The following SMARCA1 variants were observed in gnomAD, a reference collection of about 807,000 sequenced individuals.
SMARCA1 encodes SNF2 related chromatin remodeling ATPase 1.
In SMARCA1, 17 loss-of-function variants were observed where a neutral mutation model predicts 93.6. The observed-to-expected ratio is 0.18, with a 90% CI of 0.12 to 0.27. The LOEUF (loss-of-function observed/expected upper bound fraction) is 0.27. Among genes scored for constraint, SMARCA1 ranks in the 10% least tolerant of loss-of-function variants. The pLI is 1.00. For synonymous variants in SMARCA1, 271 were observed against 271.4 expected, an observed-to-expected ratio of 1.00 and a Z score of 0.01; for missense variants, 630 against 819.0, an observed-to-expected ratio of 0.77 and a Z score of 2.82.
At chrX:129,454,960 T>G (rs762589630) in intron 23 of SMARCA1, among the ~76,000 whole-genome samples, 52 of 111,779 alleles carry the variant, frequency 4.7e-4, no homozygotes, top group African/African-American at 1.7e-3. Flanking sequence ...AAACAACAGA[T>G]GCTGGAGAGG....
chrX:129,464,896 G>A (rs1423362604), intron 23 of SMARCA1, among the ~76,000 whole-genome samples: 1 of 111,953 alleles, frequency 8.9e-6, no homozygotes, highest in African/African-American at 3.2e-5. Flanking sequence ...CTTACAATGA[G>A]TAATGAGGTA....
intron 1 of SMARCA1, 68 bp downstream of exon 1, chrX:129,523,129 G>T (rs1935472793): frequency 3.5e-6 from 4 of 1,138,149 alleles, no homozygotes; most frequent in Admixed American, 2.3e-5. Flanking sequence ...GAAAGGTCAG[G>T]GTTTGGGCCC....
At chrX:129,492,190 T>C in intron 13 of SMARCA1, 97 bp from the exon 14 acceptor site, 3 of 496,334 alleles carry the variant, frequency 6.0e-6, no homozygotes, top group Non-Finnish European at 1.0e-5. Flanking sequence ...TTAAAATACA[T>C]ATAGAAAATC....
At chrX:129,492,160 T>A in intron 13 of SMARCA1, 67 bp from the exon 14 acceptor site, 1 of 648,418 alleles carries the variant, frequency 1.5e-6, no homozygotes, top group Non-Finnish European at 2.4e-6. Flanking sequence ...TCAGGGTCCT[T>A]AAGAAACAAA....
At chrX:129,454,854 G>C (rs1489248661) in intron 23 of SMARCA1, among the ~76,000 whole-genome samples, 3 of 111,446 alleles carry the variant, frequency 2.7e-5, no homozygotes, top group Non-Finnish European at 5.7e-5. Flanking sequence ...TAATGAAAAA[G>C]AGCTCATCAT....
chrX:129,493,843 C>T (rs182381293), intron 12 of SMARCA1, among the ~76,000 whole-genome samples: 22 of 111,921 alleles, frequency 2.0e-4, no homozygotes, highest in African/African-American at 4.9e-4. Context: ...CTGAGTCAGA[C>T]GATGACCAGT....
chrX:129,519,136 A>G (rs1022681697), intron 1 of SMARCA1, among the ~76,000 whole-genome samples: 2 of 111,857 alleles, frequency 1.8e-5, no homozygotes, highest in Non-Finnish European at 1.9e-5. Flanking sequence ...TTAATGTTTG[A>G]TATTTTTAAA....
intron 24 of SMARCA1, 86 bp from the exon 25 acceptor site, chrX:129,447,319 T>TAA: frequency 2.0e-6 from 2 of 985,505 alleles, no homozygotes; most frequent in Non-Finnish European, 2.7e-6. Flanking sequence ...GTAAATGCAT[T>TAA]AAAAAAAAAT....
At chrX:129,481,594 C>T (rs1933664241) in intron 17 of SMARCA1, among the ~76,000 whole-genome samples, 1 of 111,763 alleles carries the variant, frequency 8.9e-6, no homozygotes, top group African/African-American at 3.3e-5. Context: ...CTCATCATCA[C>T]TGGCCATCAG....
At chrX:129,489,752 A>T (rs6637603) in intron 15 of SMARCA1, among the ~76,000 whole-genome samples, 11,717 of 111,045 alleles carry the variant, frequency 0.11, 532 homozygotes, top group East Asian at 0.32. Context: ...AGAGACAGGG[A>T]TTCACCATGT....
intron 18 of SMARCA1, 91 bp from the exon 19 acceptor site, chrX:129,480,905 A>G: frequency 1.7e-6 from 1 of 605,787 alleles, no homozygotes; most frequent in Non-Finnish European, 2.6e-6. Context: ...TATATGGAAC[A>G]ATAAATACAA....
rs761900299 is a variant in SMARCA1 at position 129,500,410 on chromosome X, C to A, written c.1168-569G>T. 9.1e-4 allele frequency among the ~76,000 whole-genome samples: 102 copies of A among 112,636 alleles called. 1 individual carries two copies. Among genetic ancestry groups the A allele is most frequent in the Non-Finnish European group, 1.4e-3 (75 of 53,280 alleles). Reference sequence around the variant, plus strand: ...CTCGAACTCCTGACCCCGTGATCCACCCACCTTGGCCTCCCAAAGTGCTGG... The same window carrying A: ...CTCGAACTCCTGACCCCGTGATCCAACCACCTTGGCCTCCCAAAGTGCTGG... On this transcript the variant is annotated intron_variant, in intron 9 of 24. Transcript: ENST00000371121.
intron 6 of SMARCA1, 25 bp downstream of exon 6, chrX:129,511,779 C>G: frequency 8.8e-7 from 1 of 1,139,399 alleles, no homozygotes; most frequent in Non-Finnish European, 1.2e-6. Flanking sequence ...TCTTAACTGC[C>G]TTTTTACACT....
At chrX:129,497,814 T>C in intron 11 of SMARCA1, 31 bp downstream of exon 11, 1 of 934,060 alleles carries the variant, frequency 1.1e-6, no homozygotes, top group Non-Finnish European at 1.5e-6. Flanking sequence ...TATAAATTTA[T>C]TCCATGCTAA....
At chrX:129,513,268 T>C (rs1935072252) in intron 5 of SMARCA1, among the ~76,000 whole-genome samples, 1 of 110,522 alleles carries the variant, frequency 9.0e-6, no homozygotes, top group Admixed American at 9.8e-5. Context: ...CTCACACCTG[T>C]AATCCCAGCA....
At chrX:129,480,895 T>C (rs1387548392) in intron 18 of SMARCA1, 81 bp from the exon 19 acceptor site, 1 of 640,040 alleles carries the variant, frequency 1.6e-6, no homozygotes. Flanking sequence ...ATTTCTGTGA[T>C]ATATGGAACA....
chrX:129,451,354 G>A (rs966462257), intron 23 of SMARCA1, among the ~76,000 whole-genome samples: 19 of 111,516 alleles, frequency 1.7e-4, no homozygotes, highest in Non-Finnish European at 3.4e-4. Flanking sequence ...AAGCTGACTC[G>A]TGAATCATTA....
At chrX:129,466,579 C>G (rs184551552) in intron 21 of SMARCA1, among the ~76,000 whole-genome samples, 5 of 110,825 alleles carry the variant, frequency 4.5e-5, no homozygotes, top group Admixed American at 1.9e-4. Context: ...TGCTTGAACC[C>G]GGAAAGTGGA....
chrX:129,499,744 A>G lies in SMARCA1; in HGVS notation c.1265T>C (p.Met422Thr). The change falls in exon 10 of 25, where the codon ATG becomes ACG. Residue 422 changes from methionine to threonine, a missense_variant. Physicochemically the swap from Met to Thr is moderately conservative, Grantham distance 81. Around this residue, in one of 4 missense-constraint regions of SMARCA1, gnomAD observed 382 missense variants for 537.9 expected, o/e 0.71. Transcript: ENST00000371121. ...EIKIYLGLSK[M>T]QREWYTKILM... is the part of the protein sequence containing the mutation. ...TGAAATAGCTCACCATTCTCGTTGC[A>G]TCTTACTCAGCCCCAAGTAAATCTT... 1 of 1,113,736 alleles carries G rather than the reference A, an allele frequency of 9.0e-7. No individual in the cohort carries two copies. Among genetic ancestry groups the G allele is most frequent in the East Asian group, 3.0e-5 (1 of 32,877 alleles). The allele number at this position is 1,113,736 out of a possible 1,213,427, so 91.8% of individuals were successfully genotyped here.
Sources: allele counts gnomAD v4.1 joint callset (sites outside exome capture counted in the v4.1 genomes callset), GRCh38; gene constraint gnomAD v4.1.1; regional missense constraint gnomAD v4.1.1; transcripts MANE v1.5; gene names NCBI Gene and HGNC (gene_info 2026-07-23, HGNC 2026-07-21).